Variants in MYOM3 observed in about 807,000 individuals in gnomAD.
The protein encoded by MYOM3 is myomesin 3, also known as myomesin-3.
Under a neutral mutation model 191.7 loss-of-function variants are expected in MYOM3, and 155 were observed. The ratio of observed to expected loss-of-function variants is 0.81; its 90% CI spans 0.71 to 0.92. MYOM3 has a LOEUF of 0.92. Among genes scored for constraint, MYOM3 ranks in the 40% least tolerant of loss-of-function variants. MYOM3 has a pLI of 0.00. For synonymous variants in MYOM3, 757 were observed against 762.9 expected, an observed-to-expected ratio of 0.99 and a Z score of 0.13; for missense variants, 1,889 against 1,890.6, an observed-to-expected ratio of 1.00 and a Z score of 0.02.
intron 20 of MYOM3, among the ~76,000 whole-genome samples, chr1:24,077,450 C>T (rs1205819277): frequency 2.0e-5 from 3 of 152,214 alleles, no homozygotes; most frequent in Non-Finnish European, 4.4e-5. Context: ...CCATTTCACA[C>T]CTCCCTGCCT....
chr1:24,101,031 G>T (rs1643908280), intron 5 of MYOM3, among the ~76,000 whole-genome samples: 5 of 152,132 alleles, frequency 3.3e-5, no homozygotes. Flanking sequence ...ATATATGACG[G>T]ATCTCCTTGC....
chr1:24,095,660 A>G (rs1184094755), intron 7 of MYOM3, among the ~76,000 whole-genome samples, 174 bp from the exon 8 acceptor site: 1 of 152,176 alleles, frequency 6.6e-6, no homozygotes, highest in East Asian at 1.9e-4. Flanking sequence ...CAGCAGTAAA[A>G]TGGGACAGTA....
chr1:24,095,323 C>A (rs1643873014), intron 8 of MYOM3, 119 bp downstream of exon 8: 6 of 1,018,326 alleles, frequency 5.9e-6, no homozygotes, highest in Non-Finnish European at 7.4e-6. Context: ...CATAGACAAA[C>A]CCCGGTGGAC....
intron 32 of MYOM3, 99 bp from the exon 33 acceptor site, chr1:24,062,208 C>T (rs989007130): frequency 3.9e-5 from 53 of 1,352,510 alleles, no homozygotes; most frequent in South Asian, 1.2e-4. Flanking sequence ...TTTGAGATCA[C>T]GGGCTATGGG....
intron 14 of MYOM3, among the ~76,000 whole-genome samples, chr1:24,089,187 C>A (rs994384185): frequency 2.0e-5 from 3 of 152,190 alleles, no homozygotes; most frequent in Non-Finnish European, 4.4e-5. Flanking sequence ...AACATAGTCC[C>A]ACCAAGAAGT....
At chr1:24,099,383 CG>C (rs1476902002) in intron 6 of MYOM3, among the ~76,000 whole-genome samples, 9 of 152,172 alleles carry the variant, frequency 5.9e-5, no homozygotes, top group Non-Finnish European at 1.3e-4. Flanking sequence ...CCAGTCCTCA[CG>C]GCCAGCCTCT....
intron 32 of MYOM3, 125 bp from the exon 33 acceptor site, chr1:24,062,234 AC>A: frequency 1.1e-6 from 1 of 937,832 alleles, no homozygotes; most frequent in Non-Finnish European, 1.6e-6. Flanking sequence ...ACTATGAGGC[AC>A]CAGATAAATA....
chr1:24,067,948 A>C (rs552456790), intron 27 of MYOM3, 22 bp downstream of exon 27: 95 of 1,612,718 alleles, frequency 5.9e-5, no homozygotes, highest in Admixed American at 3.0e-4. Context: ...GGGATTTTGA[A>C]CTTCACCCCA....
intron 24 of MYOM3, among the ~76,000 whole-genome samples, chr1:24,071,642 T>C (rs1643533158): frequency 6.6e-6 from 1 of 152,184 alleles, no homozygotes; most frequent in Non-Finnish European, 1.5e-5. Flanking sequence ...TGACCTCCCC[T>C]GCTCTAGGGA....
At chr1:24,094,329 C>T (rs562320539) in intron 9 of MYOM3, among the ~76,000 whole-genome samples, 2 of 152,076 alleles carry the variant, frequency 1.3e-5, no homozygotes, top group South Asian at 2.1e-4. Flanking sequence ...CACCAACATG[C>T]CTGGCTAATT....
intron 28 of MYOM3, chr1:24,066,386 C>G (rs2148543214): frequency 1.6e-6 from 1 of 621,246 alleles, no homozygotes. Context: ...ACCACTTCAT[C>G]ATCTTTGTAC....
chr1:24,094,065 C>T (rs1643865644), intron 9 of MYOM3, among the ~76,000 whole-genome samples: 1 of 152,174 alleles, frequency 6.6e-6, no homozygotes, highest in South Asian at 2.1e-4. Flanking sequence ...CCTGACTCTG[C>T]AAAGTCCGAT....
rs181631906 is a variant in MYOM3 at position 24,106,990 on chromosome 1, G to A, written c.402+83C>T. 50 of 1,373,376 alleles carry A rather than the reference G, an allele frequency of 3.6e-5. No individual in the cohort carries two copies. In the East Asian group the frequency reaches 1.1e-3, roughly 30 times the overall value. The allele number at this position is 1,373,376 out of a possible 1,614,324, so 85.1% of individuals were successfully genotyped here. Reference sequence around the variant, plus strand: ...GCCTGGACTCTGCCCTGGATGTCCCGCCTCTTGGGAAGGGGGTGAGGATGG... The same window carrying A: ...GCCTGGACTCTGCCCTGGATGTCCCACCTCTTGGGAAGGGGGTGAGGATGG... On this transcript the variant is annotated intron_variant, in intron 4 of 36. Coordinates refer to ENST00000374434, the MANE Select transcript of MYOM3 (RefSeq NM_152372.4).
chr1:24,090,293 A>T lies in MYOM3; in HGVS notation c.1433-175T>A, dbSNP rs769799454. ...GGCCTCAGCTTTCTCAGGAGTCCCA[A>T]GTGGAGCCCTGCTGCTCTCAGGCCC... On this transcript the variant is annotated intron_variant, in intron 12 of 36. Coordinates refer to ENST00000374434, the MANE Select transcript of MYOM3 (RefSeq NM_152372.4). Among the ~76,000 whole-genome samples the T allele has an allele frequency of 2.6e-4, 39 of 152,196 alleles. 2 individuals carry two copies. Among genetic ancestry groups the T allele is most frequent in the Admixed American group, 9.2e-4 (14 of 15,286 alleles).
Position 24,095,427 on chromosome 1 carries a change from C to T in MYOM3, c.790+15G>A. On this transcript the variant is annotated intron_variant, in intron 8 of 36. Coordinates refer to ENST00000374434, the MANE Select transcript of MYOM3 (RefSeq NM_152372.4). ...ACAAAGAATCCCAGGTCCCGTTCTCCCCCAGCCGACTTACTTTTGAAGATC... is the reference window on the plus strand; with the variant it reads ...ACAAAGAATCCCAGGTCCCGTTCTCTCCCAGCCGACTTACTTTTGAAGATC... 6.2e-7 allele frequency: 1 copy of T among 1,611,234 alleles called. No individual in the cohort carries two copies. The highest frequency in any genetic ancestry group is 8.5e-7 in the Non-Finnish European group (1 of 1,178,228).
chr1:24,084,510 G>T lies in MYOM3; in HGVS notation c.1928C>A (p.Ser643Tyr). Residue 643 changes from serine (S) to tyrosine (Y), a missense_variant, in exon 16 of 37, where the codon TCT (serine) becomes TAT (tyrosine). By Grantham distance (144) the Ser-to-Tyr change is moderately radical (BLOSUM62 -2). Transcript: ENST00000374434. Reference sequence around the variant, plus strand: ...TTTGTTGTTAACTGTTTGCCACTCAGATGTCCCCACCTTCCGGGAGTAGAT... The same window carrying T: ...TTTGTTGTTAACTGTTTGCCACTCATATGTCCCCACCTTCCGGGAGTAGAT... ...YYIYSRKVGT[S>Y]EWQTVNNKPI... 6.2e-7 allele frequency: 1 copy of T among 1,614,182 alleles called. No homozygotes were observed. Among genetic ancestry groups the T allele is most frequent in the Non-Finnish European group, 8.5e-7 (1 of 1,180,034 alleles).
chr1:24,101,807 C>T (rs114273100), intron 5 of MYOM3, among the ~76,000 whole-genome samples: 19 of 152,268 alleles, frequency 1.2e-4, no homozygotes, highest in East Asian at 7.7e-4. Context: ...GGTAGTCAAG[C>T]GATTGCCCTG....
At chr1:24,104,151 C>G (rs796825217) in intron 5 of MYOM3, among the ~76,000 whole-genome samples, 36 of 152,278 alleles carry the variant, frequency 2.4e-4, no homozygotes, top group African/African-American at 8.7e-4. Flanking sequence ...CATGAATGGC[C>G]CTGATGCTCA....
chr1:24,065,863 T>A, intron 29 of MYOM3, 28 bp downstream of exon 29: 1 of 1,513,678 alleles, frequency 6.6e-7, no homozygotes. Flanking sequence ...AAGGAGAAAG[T>A]GAGCCCTGAA....
Sources: allele counts gnomAD v4.1 joint callset (sites outside exome capture counted in the v4.1 genomes callset), GRCh38; gene constraint gnomAD v4.1.1; transcripts MANE v1.5; gene names NCBI Gene and HGNC (gene_info 2026-07-23, HGNC 2026-07-21).